The following CHM variants were observed in gnomAD, a reference collection of about 807,000 sequenced individuals.
The protein encoded by CHM is CHM Rab escort protein.
In CHM, 10 loss-of-function variants were observed where a neutral mutation model predicts 49.0. The observed-to-expected ratio is 0.20, with a 90% CI of 0.13 to 0.35. The LOEUF is 0.35. Ranked by LOEUF, CHM falls within the 10% of genes least tolerant of loss-of-function variation. The pLI, the probability that CHM is intolerant of heterozygous loss-of-function variation, is 1.00. For missense variants in CHM, 455 were observed against 478.4 expected, an observed-to-expected ratio of 0.95 and a Z score of 0.46; for synonymous variants, 184 against 167.5, an observed-to-expected ratio of 1.10 and a Z score of -0.76.
chrX:86,033,834 A>G (rs746459316), intron 1 of CHM, among the ~76,000 whole-genome samples: 28 of 112,057 alleles, frequency 2.5e-4, no homozygotes, highest in African/African-American at 8.7e-4. Flanking sequence ...TCCCCACAAA[A>G]TACTAAATAT....
intron 12 of CHM, among the ~76,000 whole-genome samples, chrX:85,886,560 T>A (rs949351801): frequency 9.9e-5 from 11 of 111,139 alleles, no homozygotes. Context: ...ACAGGGTATA[T>A]TTGCTTCTTT....
intron 8 of CHM, among the ~76,000 whole-genome samples, chrX:85,945,971 T>C (rs1929387215): frequency 8.9e-6 from 1 of 111,998 alleles, no homozygotes; most frequent in Non-Finnish European, 1.9e-5. Flanking sequence ...CTTGGCTGCG[T>C]TCTGTTCATG....
intron 1 of CHM, among the ~76,000 whole-genome samples, chrX:86,045,081 T>C (rs1320441695): frequency 8.9e-6 from 1 of 112,215 alleles, no homozygotes; most frequent in East Asian, 2.8e-4. Context: ...GATGAAGCAA[T>C]TGTTCCTTTA....
chrX:85,900,921 T>G (rs762483396), intron 10 of CHM, among the ~76,000 whole-genome samples, 163 bp downstream of exon 10: 1 of 111,293 alleles, frequency 9.0e-6, no homozygotes, highest in Non-Finnish European at 1.9e-5. Context: ...AGCAAAGGAG[T>G]TGAAATTATG....
chrX:85,889,104 T>C (rs1228177713), intron 12 of CHM, among the ~76,000 whole-genome samples: 3 of 111,668 alleles, frequency 2.7e-5, no homozygotes, highest in Non-Finnish European at 5.6e-5. Context: ...ACTGGGGATA[T>C]TAAAATATGA....
chrX:85,992,814 AGAAGTTGCTT>A (rs1932267649), intron 2 of CHM, among the ~76,000 whole-genome samples: 1 of 112,455 alleles, frequency 8.9e-6, no homozygotes, highest in Non-Finnish European at 1.9e-5. Context: ...TGAATCTACA[AGAAGTTGCTT>A]TGGCAATCAG....
rs1443868495 is a variant in CHM at position 85,969,189 on chromosome X, T to C, written c.315-5137A>G. 9 of 737,932 alleles carry C rather than the reference T, an allele frequency of 1.2e-5. No homozygotes were observed. The East Asian group carries it at 4.6e-4, about 38-fold the overall frequency. 60.8% of individuals were successfully genotyped at this position (737,932 alleles called of 1,213,427 possible). A position where few individuals can be genotyped will look rare whatever the true frequency, so the allele number is the denominator to read the frequency against. Reference sequence around the variant, plus strand: ...AAGTTTTCATCCTGCTTTAATATTATACCAGAAAAAGGGAAACAACGTTCA... The same window carrying C: ...AAGTTTTCATCCTGCTTTAATATTACACCAGAAAAAGGGAAACAACGTTCA... On this transcript the variant is annotated intron_variant, in intron 4 of 14. Transcript: ENST00000357749.
intron 1 of CHM, among the ~76,000 whole-genome samples, chrX:86,038,508 G>A (rs899933005): frequency 3.6e-5 from 4 of 112,140 alleles, no homozygotes; most frequent in Admixed American, 1.9e-4. Context: ...CCTGGGGCAC[G>A]TCATCAGGAC....
intron 8 of CHM, among the ~76,000 whole-genome samples, chrX:85,927,479 T>A (rs1928162297): frequency 1.8e-5 from 2 of 112,496 alleles, no homozygotes; most frequent in Admixed American, 1.9e-4. Flanking sequence ...TCTAATGAGA[T>A]ATTTTTCCTG....
intron 2 of CHM, among the ~76,000 whole-genome samples, chrX:86,022,415 T>C (rs1343727186): frequency 9.0e-6 from 1 of 111,376 alleles, no homozygotes. Flanking sequence ...TCCTTCAGAC[T>C]TTCTCCTCTA....
At chrX:85,973,558 C>G (rs2147697173) in intron 4 of CHM, among the ~76,000 whole-genome samples, 1 of 111,122 alleles carries the variant, frequency 9.0e-6, no homozygotes, top group East Asian at 2.8e-4. Context: ...TATCTATTTA[C>G]TTGCTTGATA....
intron 2 of CHM, among the ~76,000 whole-genome samples, chrX:85,999,735 A>G (rs951984058): frequency 8.9e-6 from 1 of 112,169 alleles, no homozygotes; most frequent in African/African-American, 3.2e-5. Flanking sequence ...AGGCCTCTGA[A>G]AAAAACTAGA....
At chrX:85,906,134 G>A (rs937142404) in intron 9 of CHM, among the ~76,000 whole-genome samples, 5 of 111,749 alleles carry the variant, frequency 4.5e-5, no homozygotes, top group Non-Finnish European at 9.4e-5. Flanking sequence ...GAAGTATTCC[G>A]TACTTTGTGA....
At chrX:86,007,724 T>C (rs149629499) in intron 2 of CHM, among the ~76,000 whole-genome samples, 7 of 112,246 alleles carry the variant, frequency 6.2e-5, no homozygotes, top group Admixed American at 9.4e-5. Flanking sequence ...CTCATACCAG[T>C]TAGAATGGCA....
chrX:85,919,461 G>T (rs1358137405), intron 8 of CHM, among the ~76,000 whole-genome samples: 1 of 110,677 alleles, frequency 9.0e-6, no homozygotes, highest in Non-Finnish European at 1.9e-5. Flanking sequence ...TAGGCTAAAT[G>T]GGGCCTCAAA....
At chrX:85,974,186 T>C (rs553611689) in intron 4 of CHM, among the ~76,000 whole-genome samples, 3 of 112,306 alleles carry the variant, frequency 2.7e-5, no homozygotes, top group East Asian at 5.5e-4. Flanking sequence ...AGGTATGCAA[T>C]TAGTAAAACA....
intron 2 of CHM, among the ~76,000 whole-genome samples, chrX:86,020,709 T>C (rs1008300828): frequency 1.1e-3 from 112 of 105,500 alleles, no homozygotes; most frequent in Non-Finnish European, 2.0e-3. Context: ...ACATCTGATA[T>C]ATATCTCCGA....
At chrX:85,982,344 C>A (rs1931674565) in intron 2 of CHM, among the ~76,000 whole-genome samples, 1 of 111,389 alleles carries the variant, frequency 9.0e-6, no homozygotes, top group Admixed American at 9.5e-5. Flanking sequence ...AGTGGAAGAC[C>A]CTGTGCTATT....
Position 85,862,624 on chromosome X carries a change from G to C in CHM, c.*2006C>G, listed in dbSNP as rs1033505062. On this transcript the variant is annotated 3_prime_UTR_variant, in exon 15 of 15. Transcript: ENST00000357749. ...TATAAAAGGGGAAGTGAGGGAAAGG[G>C]GACTAAAGAGATGGGGAGGGGCTGT... The C allele has an allele frequency of 4.5e-5, 5 of 111,916 alleles. No individual in the cohort carries two copies. Among genetic ancestry groups the C allele is most frequent in the Admixed American group, 2.9e-4 (3 of 10,504 alleles). The allele number at this position is 111,916 out of a possible 1,213,427, so 9.2% of individuals were successfully genotyped here. A position where few individuals can be genotyped will look rare whatever the true frequency, so the allele number is the denominator to read the frequency against.
Sources: gnomAD v4.1 joint callset for allele counts (sites outside exome capture counted in the v4.1 genomes callset) on GRCh38, gnomAD v4.1.1 for gene constraint, MANE v1.5 for transcripts, NCBI Gene and HGNC (gene_info 2026-07-23, HGNC 2026-07-21) for gene names.